RHBDL3: variants seen among roughly 807,000 people sequenced by gnomAD.
RHBDL3 encodes the protein rhomboid-related protein 3.
Under a neutral mutation model 48.2 loss-of-function variants are expected in RHBDL3, and 28 were observed. The ratio of observed to expected loss-of-function variants is 0.58; its 90% CI spans 0.43 to 0.80. The LOEUF is 0.80. Ranked by LOEUF, RHBDL3 falls within the 30% of genes least tolerant of loss-of-function variation. The pLI, the probability that RHBDL3 is intolerant of heterozygous loss-of-function variation, is 0.00. For synonymous variants in RHBDL3, 208 were observed against 232.3 expected (o/e 0.90, Z 0.95); for missense variants, 464 against 542.7 (o/e 0.85, Z 1.44).
chr17:32,270,333 T>C (rs894341940), intron 2 of RHBDL3, among the ~76,000 whole-genome samples: 3 of 151,692 alleles, frequency 2.0e-5, no homozygotes, highest in African/African-American at 7.3e-5. Flanking sequence ...ACACCAGTGG[T>C]AGCCCAATTT....
At chr17:32,306,489 C>G (rs934885034) in intron 7 of RHBDL3, among the ~76,000 whole-genome samples, 1 of 152,262 alleles carries the variant, frequency 6.6e-6, no homozygotes, top group Admixed American at 6.5e-5. Flanking sequence ...ATTTCTCACC[C>G]TCTGCCTTTT....
rs9899171 is a variant in RHBDL3 at position 32,283,534 on chromosome 17, A to G, written c.136-1125A>G. ...GAGACGGGGTTTCACCGTGTTAGCC[A>G]GGATGGTCTCCATCTCCTGACCTTG... On this transcript the variant is annotated intron_variant, in intron 2 of 8. Transcript: ENST00000269051. Among the ~76,000 whole-genome samples the G allele has an allele frequency of 2.4e-3, 359 of 151,406 alleles. 1 individual carries two copies. The highest frequency in any genetic ancestry group is 7.7e-3 in the African/African-American group (316 of 40,912).
intron 4 of RHBDL3, among the ~76,000 whole-genome samples, chr17:32,294,069 C>T (rs1018931848): frequency 5.4e-5 from 8 of 149,250 alleles, no homozygotes; most frequent in South Asian, 2.2e-4. Flanking sequence ...TGGAGGTTGC[C>T]GTGAACCGAG....
Position 32,316,309 on chromosome 17 carries a change from C to G in RHBDL3, c.943+17C>G, listed in dbSNP as rs370676242. On this transcript the variant is annotated intron_variant, in intron 8 of 8. Transcript: ENST00000269051. ...TTATCTGTAGTAAGTACTGATGGGGCGCTGGGGAACCAAAGCCTGGCACCA... is the reference window on the plus strand; with the variant it reads ...TTATCTGTAGTAAGTACTGATGGGGGGCTGGGGAACCAAAGCCTGGCACCA... 2 of 1,601,856 alleles carry G rather than the reference C, an allele frequency of 1.2e-6. No homozygotes were observed. Among genetic ancestry groups the G allele is most frequent in the Non-Finnish European group, 1.7e-6 (2 of 1,169,408 alleles).
intron 7 of RHBDL3, among the ~76,000 whole-genome samples, chr17:32,309,334 A>G (rs945400942): frequency 6.6e-6 from 1 of 151,878 alleles, no homozygotes; most frequent in African/African-American, 2.4e-5. Flanking sequence ...AGGCGGATCA[A>G]CTGAGGTTGG....
At chr17:32,289,906 T>A (rs932647641) in intron 4 of RHBDL3, among the ~76,000 whole-genome samples, 1 of 152,262 alleles carries the variant, frequency 6.6e-6, no homozygotes, top group Non-Finnish European at 1.5e-5. Flanking sequence ...CTTCTTTTCT[T>A]CTAAGTCAGA....
chr17:32,296,595 A>G (rs1272027247), intron 5 of RHBDL3, among the ~76,000 whole-genome samples: 1 of 151,620 alleles, frequency 6.6e-6, no homozygotes, highest in Non-Finnish European at 1.5e-5. Flanking sequence ...CAGCCTCCCA[A>G]AGTGCCAGGA....
intron 4 of RHBDL3, among the ~76,000 whole-genome samples, chr17:32,293,907 C>A (rs2040390660): frequency 6.6e-6 from 1 of 152,108 alleles, no homozygotes; most frequent in South Asian, 2.1e-4. Context: ...GCGGGTGGAT[C>A]ACCTGAGGTC....
Position 32,298,118 on chromosome 17 carries a change from T to C in RHBDL3, c.695T>C (p.Val232Ala). The C allele has an allele frequency of 3.7e-6, 6 of 1,613,942 alleles. No individual in the cohort carries two copies. The highest frequency in any genetic ancestry group is 5.1e-6 in the Non-Finnish European group (6 of 1,179,820). The change falls in exon 6 of 9, where the codon GTG becomes GCG. Residue 232 changes from valine to alanine, a missense_variant. Transcript: ENST00000269051. Reference protein sequence around the residue: ...AGIEHLGLNVVLQLLVGVPLE... With the variant: ...AGIEHLGLNVALQLLVGVPLE... ...ATAGAACACCTGGGACTCAATGTGG[T>C]GCTGCAGCTGCTGGTGGGGGTGCCC...
At chr17:32,270,132 C>CA (rs66986205) in intron 2 of RHBDL3, among the ~76,000 whole-genome samples, 846 of 67,824 alleles carry the variant, frequency 0.012, 13 homozygotes, top group African/African-American at 0.025. Context: ...GACCCTTTCT[C>CA]AAAAAAAAAA....
chr17:32,287,800 G>A (rs566185256), intron 3 of RHBDL3, among the ~76,000 whole-genome samples: 1 of 152,314 alleles, frequency 6.6e-6, no homozygotes, highest in South Asian at 2.1e-4. Context: ...GGGCTTGGGA[G>A]AGCCATATCT....
chr17:32,311,684 C>T (rs1290924264), intron 7 of RHBDL3, among the ~76,000 whole-genome samples: 1 of 152,086 alleles, frequency 6.6e-6, no homozygotes, highest in Non-Finnish European at 1.5e-5. Context: ...ATAAAGCGGG[C>T]CTGGGAGGTG....
At chr17:32,308,613 C>CA (rs895562458) in intron 7 of RHBDL3, among the ~76,000 whole-genome samples, 1 of 151,320 alleles carries the variant, frequency 6.6e-6, no homozygotes, top group African/African-American at 2.4e-5. Flanking sequence ...AGCCCTGTCT[C>CA]AAAAAAAAGA....
At chr17:32,266,894 A>C (rs1175105784) in intron 1 of RHBDL3, among the ~76,000 whole-genome samples, 1 of 152,132 alleles carries the variant, frequency 6.6e-6, no homozygotes, top group Non-Finnish European at 1.5e-5. Context: ...CGGGAGTCCA[A>C]GACCGTGGCG....
Position 32,296,096 on chromosome 17 carries a change from C to A in RHBDL3, c.668+1654C>A, listed in dbSNP as rs550747907. ...CAAAAAAATTAGCCAGGCCTGGTGGCAGGCGCCTGTAGTCCCACCTACTCG... is the reference window on the plus strand; with the variant it reads ...CAAAAAAATTAGCCAGGCCTGGTGGAAGGCGCCTGTAGTCCCACCTACTCG... On this transcript the variant is annotated intron_variant, in intron 5 of 8. Transcript: ENST00000269051. Among the ~76,000 whole-genome samples the A allele has an allele frequency of 5.9e-5, 9 of 151,760 alleles. No homozygotes were observed. The East Asian group carries it at 1.8e-3, about 30-fold the overall frequency.
chr17:32,272,771 C>G (rs981732361), intron 2 of RHBDL3, among the ~76,000 whole-genome samples: 16 of 152,226 alleles, frequency 1.1e-4, no homozygotes, highest in Non-Finnish European at 1.8e-4. Flanking sequence ...GCCTGGCTGC[C>G]TGCCTGACAC....
intron 2 of RHBDL3, among the ~76,000 whole-genome samples, chr17:32,269,017 A>T (rs1297324062): frequency 1.3e-5 from 2 of 152,154 alleles, no homozygotes; most frequent in African/African-American, 2.4e-5. Flanking sequence ...GGGGAACCAC[A>T]TATCTAACTT....
chr17:32,280,009 C>A (rs1342195528), intron 2 of RHBDL3, among the ~76,000 whole-genome samples: 6 of 152,124 alleles, frequency 3.9e-5, no homozygotes, highest in Admixed American at 6.6e-5. Context: ...CAGGCTGAGG[C>A]CAGCTGTGAC....
At chr17:32,279,079 A>G (rs142980241) in intron 2 of RHBDL3, among the ~76,000 whole-genome samples, 12 of 152,090 alleles carry the variant, frequency 7.9e-5, no homozygotes, top group South Asian at 2.1e-4. Context: ...GAATTCTACA[A>G]TCACATCACT....
Sources: gnomAD v4.1 joint callset for allele counts (sites outside exome capture counted in the v4.1 genomes callset) on GRCh38, gnomAD v4.1.1 for gene constraint, MANE v1.5 for transcripts, NCBI Gene and HGNC (gene_info 2026-07-23, HGNC 2026-07-21) for gene names.